RP1: variants seen among roughly 807,000 people sequenced by gnomAD.
RP1 encodes the protein oxygen-regulated protein 1.
A neutral mutation model predicts 14.8 loss-of-function variants in RP1; 16 were observed. That is an observed-to-expected ratio of 1.08 (90% CI 0.73 to 1.65). The LOEUF (loss-of-function observed/expected upper bound fraction) is 1.65. Among genes scored for constraint, RP1 ranks in the 40% most tolerant of loss-of-function variants. The pLI, the probability that RP1 is intolerant of heterozygous loss-of-function variation, is 0.00. For missense variants in RP1, 2,631 were observed against 2,535.0 expected, an observed-to-expected ratio of 1.04 and a Z score of -0.81; for synonymous variants, 876 against 883.6, an observed-to-expected ratio of 0.99 and a Z score of 0.15.
At chr8:54,700,979 C>T (rs1808000580) in intron 13 of RP1, among the ~76,000 whole-genome samples, 1 of 152,176 alleles carries the variant, frequency 6.6e-6, no homozygotes, top group Admixed American at 6.5e-5. Context: ...ACGACTTTTC[C>T]TCTTCACACC....
At chr8:54,670,701 ATAT>A (rs1563343330) in intron 7 of RP1, among the ~76,000 whole-genome samples, 21 of 137,980 alleles carry the variant, frequency 1.5e-4, no homozygotes, top group African/African-American at 1.6e-4. Context: ...ATATATATAT[ATAT>A]ATAAAACATT....
intron 6 of RP1, chr8:54,656,235 A>C: frequency 6.5e-7 from 1 of 1,527,700 alleles, no homozygotes. Context: ...ATTCAACTCC[A>C]GGTAGCATGG....
At chr8:54,683,911 C>A (rs902885801) in intron 12 of RP1, among the ~76,000 whole-genome samples, 1 of 151,726 alleles carries the variant, frequency 6.6e-6, no homozygotes, top group Non-Finnish European at 1.5e-5. Flanking sequence ...CTTTTGCCCA[C>A]TCAGTATGGT....
chr8:54,869,898 A>G, exon 29 of RP1: 1 of 1,232,108 alleles, frequency 8.1e-7, no homozygotes, highest in African/African-American at 1.5e-5. Flanking sequence ...GCTCGCAGAA[A>G]GTAGTCCCAG....
intron 3 of RP1, among the ~76,000 whole-genome samples, chr8:54,623,395 G>A (rs1418178911): frequency 6.6e-6 from 1 of 151,864 alleles, no homozygotes; most frequent in Non-Finnish European, 1.5e-5. Context: ...AATATTTCTA[G>A]GTTTATACTC....
chr8:54,565,035 C>T (rs143009187), intron 1 of RP1, among the ~76,000 whole-genome samples: 3,735 of 152,236 alleles, frequency 0.025, 116 homozygotes, highest in African/African-American at 0.076. Flanking sequence ...GGATTATAGG[C>T]GCGAGCCACC....
chr8:54,600,866 A>G (rs1327439322), intron 1 of RP1, among the ~76,000 whole-genome samples: 2 of 152,122 alleles, frequency 1.3e-5, no homozygotes, highest in Non-Finnish European at 2.9e-5. Flanking sequence ...TCTAGCACCT[A>G]GTTTGGGATA....
intron 3 of RP1, among the ~76,000 whole-genome samples, chr8:54,647,589 T>G (rs890503652): frequency 6.6e-6 from 1 of 152,208 alleles, no homozygotes; most frequent in African/African-American, 2.4e-5. Context: ...AGAATGCCAT[T>G]TAAGTCAGTA....
At chr8:54,647,518 G>A (rs564486231) in intron 3 of RP1, among the ~76,000 whole-genome samples, 46 of 152,102 alleles carry the variant, frequency 3.0e-4, no homozygotes, top group Non-Finnish European at 6.3e-4. Flanking sequence ...TTATTTTAAT[G>A]ATAAAAATGG....
chr8:54,853,732 A>AAGAGAAAGAAAG (rs1289413889), intron 26 of RP1, among the ~76,000 whole-genome samples: 1 of 93,134 alleles, frequency 1.1e-5, no homozygotes, highest in African/African-American at 5.7e-5. Flanking sequence ...ATCTCTAAAA[A>AAGAGAAAGAAAG]AAAGAGAGAA....
intron 4 of RP1, among the ~76,000 whole-genome samples, chr8:54,652,615 G>T (rs1806678035): frequency 6.6e-6 from 1 of 151,798 alleles, no homozygotes; most frequent in African/African-American, 2.4e-5. Flanking sequence ...GTTAAATTTT[G>T]CTTATTATAT....
At chr8:54,691,542 A>G (rs534460103) in intron 12 of RP1, among the ~76,000 whole-genome samples, 1 of 152,134 alleles carries the variant, frequency 6.6e-6, no homozygotes, top group Non-Finnish European at 1.5e-5. Context: ...GCTGAGCGAG[A>G]GATGAGTGGA....
intron 12 of RP1, among the ~76,000 whole-genome samples, chr8:54,693,850 A>G (rs1277634540): frequency 6.6e-6 from 1 of 152,030 alleles, no homozygotes; most frequent in Non-Finnish European, 1.5e-5. Context: ...AACTTCCAAC[A>G]CTATGTTGAA....
At chr8:54,689,836 GACAGTCAGTTAT>G (rs1203730291) in intron 12 of RP1, among the ~76,000 whole-genome samples, 4 of 151,916 alleles carry the variant, frequency 2.6e-5, no homozygotes, top group African/African-American at 9.7e-5. Context: ...GTGCCCTAAT[GACAGTCAGTTAT>G]ACAGTCACCA....
intron 26 of RP1, among the ~76,000 whole-genome samples, chr8:54,855,581 T>C (rs1028183281): frequency 2.0e-5 from 3 of 152,174 alleles, no homozygotes; most frequent in Admixed American, 6.5e-5. Context: ...GGAGAAGATA[T>C]TGTAAAAACA....
intron 28 of RP1, among the ~76,000 whole-genome samples, chr8:54,867,213 C>T (rs534174629): frequency 2.0e-5 from 3 of 152,216 alleles, no homozygotes; most frequent in Middle Eastern, 3.4e-3. Flanking sequence ...ACTATAGTTT[C>T]GATTCTAGGA....
chr8:54,778,222 A>G (rs1162561452), intron 23 of RP1, among the ~76,000 whole-genome samples: 3 of 152,052 alleles, frequency 2.0e-5, no homozygotes, highest in Admixed American at 2.0e-4. Flanking sequence ...ACTTATTTGC[A>G]TGTCCAAATG....
intron 12 of RP1, among the ~76,000 whole-genome samples, chr8:54,693,328 A>G (rs905236100): frequency 1.3e-5 from 2 of 152,108 alleles, no homozygotes; most frequent in Non-Finnish European, 2.9e-5. Context: ...TATGAACTTG[A>G]AAGTAGTTTT....
At chr8:54,811,057 T>A (rs1050306583) in intron 24 of RP1, among the ~76,000 whole-genome samples, 1 of 152,178 alleles carries the variant, frequency 6.6e-6, no homozygotes, top group Admixed American at 6.5e-5. Flanking sequence ...TGTTTCTAGG[T>A]CTTTTGCTAC....
Sources: gnomAD v4.1 joint callset for allele counts (sites outside exome capture counted in the v4.1 genomes callset) on GRCh38, gnomAD v4.1.1 for gene constraint, MANE v1.5 for transcripts, NCBI Gene and HGNC (gene_info 2026-07-23, HGNC 2026-07-21) for gene names.